Variants in CACNA1A observed in about 807,000 individuals in gnomAD.
CACNA1A encodes calcium voltage-gated channel subunit alpha1 A.
A neutral mutation model predicts 262.4 loss-of-function variants in CACNA1A; 57 were observed. The ratio of observed to expected loss-of-function variants is 0.22; its 90% confidence interval spans 0.18 to 0.27. The LOEUF is 0.27. Among genes scored for constraint, CACNA1A ranks in the 10% least tolerant of loss-of-function variants. The pLI, the probability that CACNA1A is intolerant of heterozygous loss-of-function variation, is 1.00. For missense variants in CACNA1A, 2,526 were observed against 3,562.8 expected (o/e 0.71, Z 7.41); for synonymous variants, 1,431 against 1,419.3 (o/e 1.01, Z -0.18).
At chr19:13,368,057 G>C (rs2059248814) in intron 4 of CACNA1A, among the ~76,000 whole-genome samples, 1 of 152,098 alleles carries the variant, frequency 6.6e-6, no homozygotes, top group African/African-American at 2.4e-5. Context: ...GCTCACACCT[G>C]TAATCCCAGC....
In CACNA1A at chr19:13,391,899, T is replaced by C. The variant is rs765637150; in HGVS notation, c.540-20120A>G. Among the ~76,000 whole-genome samples, 239 of 151,884 alleles carry C rather than the reference T, an allele frequency of 1.6e-3. 2 individuals carry two copies. Among genetic ancestry groups the C allele is most frequent in the Admixed American group, 4.5e-3 (68 of 15,236 alleles). ...AAGAAGTACAAAAATTAGCCAGGCA[T>C]GGTGGCTTGTGCCTGTAGCCCCAGC... On this transcript the variant is annotated intron_variant, in intron 3 of 46. Transcript: ENST00000360228.
In CACNA1A at chr19:13,206,603, A is replaced by G. The variant is rs2054576525; in HGVS notation, c.*710T>C. ...TTCTTCTTCTTTTGTTGTTTCAAGC[A>G]GGACCAAATGTCAGAAAAAAATGCC... is the stretch of plus-strand genomic sequence containing the variant. On this transcript the variant is annotated 3_prime_UTR_variant, in exon 47 of 47. Transcript: ENST00000360228. The G allele has an allele frequency of 6.5e-6, 1 of 154,240 alleles. No homozygotes were observed. Among genetic ancestry groups the G allele is most frequent in the African/African-American group, 2.4e-5 (1 of 41,532 alleles). The allele number at this position is 154,240 out of a possible 1,614,324, so 9.6% of individuals were successfully genotyped here. A position where few individuals can be genotyped will look rare whatever the true frequency, so the allele number is the denominator to read the frequency against.
At chr19:13,348,746 G>T (rs1271221681) in intron 6 of CACNA1A, among the ~76,000 whole-genome samples, 1 of 152,148 alleles carries the variant, frequency 6.6e-6, no homozygotes, top group Non-Finnish European at 1.5e-5. Context: ...TGAGGCAGGG[G>T]AATCACTTGA....
At chr19:13,300,450 G>A (rs2057764803) in intron 18 of CACNA1A, 100 bp downstream of exon 18, 1 of 798,580 alleles carries the variant, frequency 1.3e-6, no homozygotes, top group Non-Finnish European at 2.2e-6. Flanking sequence ...CTAAAGCTCA[G>A]TTCTGTCAAG....
At chr19:13,406,029 A>G (rs2059996656) in intron 3 of CACNA1A, among the ~76,000 whole-genome samples, 1 of 152,100 alleles carries the variant, frequency 6.6e-6, no homozygotes, top group East Asian at 1.9e-4. Context: ...TGGAGAACAG[A>G]GTCTGGACAG....
rs758336183 is a variant in CACNA1A, at chr19:13,312,733, A to G, written c.1604T>C (p.Ile535Thr). The G allele has an allele frequency of 6.3e-7, 1 of 1,595,698 alleles. No individual in the cohort carries two copies. The highest frequency in any genetic ancestry group is 8.5e-7 in the Non-Finnish European group (1 of 1,172,890). ...CCGCGTCCCAAGCCCGTACATTTTT[A>G]TAAACATTTCGGACATAAAGAGTCC... ...FLGLFMSEMF[I>T]KMYGLGTRPY... The change falls in exon 12 of 47, where the codon ATA becomes ACA. Residue 535 changes from isoleucine to threonine, a missense_variant. By Grantham distance (89) the Ile-to-Thr change is moderately conservative (BLOSUM62 -1). Coordinates refer to ENST00000360228, the MANE Select transcript of CACNA1A (RefSeq NM_001127222.2).
In CACNA1A at chr19:13,209,000, G is replaced by A; in HGVS notation, c.6536C>T (p.Thr2179Ile). Residue 2179 changes from threonine (T) to isoleucine (I), a missense_variant, in exon 46 of 47, where the codon ACA (threonine) becomes ATA (isoleucine). Physicochemically the swap from Thr to Ile is moderately conservative, Grantham distance 89. This residue lies in a region of CACNA1A where 929 missense variants were observed against 868.1 expected (regional missense o/e 1.07). Transcript: ENST00000360228. Reference protein sequence around the residue: ...RYTDVDTGLGTDLSMTTQSGD... With the variant: ...RYTDVDTGLGIDLSMTTQSGD... The stretch of plus-strand genomic sequence containing the variant: ...GGATTGGGTGGTCATGCTCAGGTCT[G>A]TCCCCAAGCCTGGGCCGGGTGAGGG... The A allele has an allele frequency of 6.5e-7, 1 of 1,537,218 alleles. No individual in the cohort carries two copies. The highest frequency in any genetic ancestry group is 8.7e-7 in the Non-Finnish European group (1 of 1,146,902).
At chr19:13,371,506 G>A in intron 4 of CACNA1A, 182 bp downstream of exon 4, 1 of 586,006 alleles carries the variant, frequency 1.7e-6, no homozygotes, top group Non-Finnish European at 3.1e-6. Context: ...TTTGCTTTCA[G>A]GAGCTCATGG....
chr19:13,338,147 G>A (rs142468026), intron 6 of CACNA1A, among the ~76,000 whole-genome samples: 296 of 152,214 alleles, frequency 1.9e-3, no homozygotes, highest in African/African-American at 6.7e-3. Context: ...CCCAGAAGGC[G>A]GAGCTTGCAG....
chr19:13,346,656 ATATATATATATTTTTTTTTTTTT>A (rs2058788335), intron 6 of CACNA1A, among the ~76,000 whole-genome samples: 1 of 5,484 alleles, frequency 1.8e-4, no homozygotes, highest in African/African-American at 8.6e-4. Context: ...ATATATATAT[ATATATATATATTTTTTTTTTTTT>A]TTTTTTTTTT....
chr19:13,231,658 G>A, intron 35 of CACNA1A, 52 bp downstream of exon 35: 2 of 1,566,270 alleles, frequency 1.3e-6, no homozygotes. Context: ...TCCCCTGAAA[G>A]GAAGCCAGGC....
Position 13,231,573 on chromosome 19 carries a change from C to A in CACNA1A, c.5400+137G>T, listed in dbSNP as rs570186590. 5.5e-4 allele frequency: 481 copies of A among 878,140 alleles called. 7 individuals are homozygous for A. The South Asian group carries it at 8.0e-3, about 15-fold the overall frequency. 54.4% of individuals were successfully genotyped at this position (878,140 alleles called of 1,614,324 possible). On this transcript the variant is annotated intron_variant, in intron 35 of 46. Transcript: ENST00000360228. ...GCTGAGTTTGAGACGCTCAGGGTCA[C>A]CTGATCCCAGGCTGGTTCAGAGAAG... is the stretch of plus-strand genomic sequence containing the variant.
chr19:13,418,800 A>G (rs1175903605), intron 3 of CACNA1A, among the ~76,000 whole-genome samples: 1 of 152,132 alleles, frequency 6.6e-6, no homozygotes, highest in Non-Finnish European at 1.5e-5. Flanking sequence ...CGATGTTTTG[A>G]TATGTTTTGA....
At chr19:13,333,779 T>C (rs2058510340) in intron 8 of CACNA1A, 1 of 152,394 alleles carries the variant, frequency 6.6e-6, no homozygotes, top group Non-Finnish European at 1.5e-5. Context: ...TTATCTTCCT[T>C]CTCTGAATTT....
In CACNA1A at chr19:13,212,650, G is replaced by A. The variant is rs16046; in HGVS notation, c.6031C>T (p.Leu2011=). The A allele has an allele frequency of 6.6e-7, 1 of 1,518,924 alleles. No individual in the cohort carries two copies. Among genetic ancestry groups the A allele is most frequent in the Non-Finnish European group, 8.8e-7 (1 of 1,131,146 alleles). The allele number at this position is 1,518,924 out of a possible 1,614,324, so 94.1% of individuals were successfully genotyped here. A position where few individuals can be genotyped will look rare whatever the true frequency, so the allele number is the denominator to read the frequency against. Residue 2011 remains leucine (L), a synonymous_variant, in exon 41 of 47, where the codon CTG becomes TTG. Coordinates refer to ENST00000360228, the MANE Select transcript of CACNA1A (RefSeq NM_001127222.2). The surrounding 1 kb of genome is among the most constrained non-coding windows in gnomAD (Gnocchi z 5.6). The stretch of plus-strand genomic sequence containing the variant: ...ACTCACAGGGCTCCTCCTGGGTCCA[G>A]CTGGGTGGAGGGGAGGGCGTTCTGG... The part of the protein sequence containing the change: ...PGQNALPSTQ[L]DPGGALMAHE...
intron 24 of CACNA1A, 74 bp downstream of exon 24, chr19:13,275,776 C>G (rs569651805): frequency 4.9e-6 from 5 of 1,010,862 alleles, no homozygotes; most frequent in Middle Eastern, 2.0e-4. Context: ...AGAACATGTC[C>G]TGTAATCCGA....
chr19:13,419,560 C>CATG (rs2060281737), intron 3 of CACNA1A, among the ~76,000 whole-genome samples: 1 of 152,058 alleles, frequency 6.6e-6, no homozygotes, highest in African/African-American at 2.4e-5. Context: ...ATCTGTGGTT[C>CATG]CAGCTACTCT....
In CACNA1A at chr19:13,286,909, T is replaced by A. The variant is rs2057414126; in HGVS notation, c.3147A>T (p.Pro1049=). 6.2e-7 allele frequency: 1 copy of A among 1,612,890 alleles called. No individual in the cohort carries two copies. Among genetic ancestry groups the A allele is most frequent in the East Asian group, 2.2e-5 (1 of 44,858 alleles). The change falls in exon 20 of 47, where the codon CCA becomes CCT. Residue 1049 remains proline, a synonymous_variant. Transcript: ENST00000360228. ...CTTGGCGGCCCAGGTCCTGCTGGAT[T>A]GGCCGGGTGGTTGACAGGTTGGGGC... ...VSGPNLSTTR[P]IQQDLGRQDP... is the part of the protein sequence containing the mutation.
At chr19:13,251,286 A>G (rs930638765) in intron 30 of CACNA1A, among the ~76,000 whole-genome samples, 1 of 152,146 alleles carries the variant, frequency 6.6e-6, no homozygotes, top group Non-Finnish European at 1.5e-5. Flanking sequence ...AATCAAGACC[A>G]TCCTGGCCAA....
Sources: allele counts gnomAD v4.1 joint callset (sites outside exome capture counted in the v4.1 genomes callset), GRCh38; gene constraint gnomAD v4.1.1; regional missense constraint gnomAD v4.1.1; non-coding constraint Gnocchi (gnomAD v3.1); transcripts MANE v1.5; gene names NCBI Gene and HGNC (gene_info 2026-07-23, HGNC 2026-07-21).